The following VWF variants were observed in gnomAD, a reference collection of about 807,000 sequenced individuals.
VWF encodes the protein von Willebrand factor, also known as Factor VIII related antigen.
In VWF, 176 loss-of-function variants were observed where a neutral mutation model predicts 308.6. The ratio of observed to expected loss-of-function variants is 0.57; its 90% CI spans 0.50 to 0.65. VWF has a LOEUF of 0.65. VWF is among the 30% of genes least tolerant of loss of function. The probability of loss-of-function intolerance (pLI) is 0.00; values close to 1 mark genes in which losing one functional copy is unlikely to be tolerated. For synonymous variants in VWF, 1,385 were observed against 1,443.4 expected, an observed-to-expected ratio of 0.96 and a Z score of 0.92; for missense variants, 3,146 against 3,648.2, an observed-to-expected ratio of 0.86 and a Z score of 3.55.
At position 6,075,223 on chromosome 12, in the gene VWF, G is replaced by T; in HGVS notation, c.874+112C>A. 1.5e-6 allele frequency: 2 copies of T among 1,352,902 alleles called. No homozygotes were observed. The highest frequency in any genetic ancestry group is 2.3e-5 in the East Asian group (1 of 42,606). 83.8% of individuals were successfully genotyped at this position (1,352,902 alleles called of 1,614,324 possible). ...TGGCTTTGTAGTCACTGGCTGGCTG[G>T]GTGTGGTAAAGCCGCACATACGTGA... On this transcript the variant is annotated intron_variant, in intron 7 of 51. Transcript: ENST00000261405. The surrounding 1 kb of genome is among the most constrained non-coding windows in gnomAD (Gnocchi z 4.7).
chr12:5,961,408 A>G (rs1392897864), intron 47 of VWF, among the ~76,000 whole-genome samples: 1 of 152,146 alleles, frequency 6.6e-6, no homozygotes, highest in Non-Finnish European at 1.5e-5. Context: ...AATTCCCTCT[A>G]AGATCAGAAA....
intron 6 of VWF, chr12:6,095,243 T>A (rs1945093051): frequency 1.5e-6 from 1 of 652,758 alleles, no homozygotes; most frequent in Non-Finnish European, 2.7e-6. Context: ...ACAAATGGAC[T>A]GAGACACTAC....
At chr12:6,013,718 C>A in intron 31 of VWF, 73 bp from the exon 32 acceptor site, 1 of 1,555,496 alleles carries the variant, frequency 6.4e-7, no homozygotes, top group Non-Finnish European at 8.8e-7. Context: ...GACGTTATAT[C>A]CAGCATCTGA....
At chr12:5,974,648 T>C (rs890645785) in intron 43 of VWF, among the ~76,000 whole-genome samples, 1 of 152,212 alleles carries the variant, frequency 6.6e-6, no homozygotes, top group African/African-American at 2.4e-5. Context: ...TCTGAAAAGC[T>C]GTGTGGAGTT....
At chr12:6,040,710 G>A (rs575668218) in intron 18 of VWF, among the ~76,000 whole-genome samples, 1 of 152,282 alleles carries the variant, frequency 6.6e-6, no homozygotes, top group South Asian at 2.1e-4. Context: ...CTTAGCAAAG[G>A]GACCCCCATC....
chr12:6,081,620 G>A (rs1218609265), intron 6 of VWF, among the ~76,000 whole-genome samples: 1 of 152,220 alleles, frequency 6.6e-6, no homozygotes, highest in Non-Finnish European at 1.5e-5. Context: ...TTACAGGAGT[G>A]AGCCACGGCA....
Position 6,013,563 on chromosome 12 carries a change from G to T in VWF, c.5538C>A (p.Ser1846=), listed in dbSNP as rs1297977329. 9 of 1,614,058 alleles carry T rather than the reference G, an allele frequency of 5.6e-6. No homozygotes were observed. The highest frequency in any genetic ancestry group is 7.6e-6 in the Non-Finnish European group (9 of 1,179,968). ...CGATTCGCTGGAGCTTCACCACGTT[G>T]GAGTCGCCTGCTGGGCCTGCCAAGA... is the stretch of plus-strand genomic sequence containing the variant. ...LRILAGPAGD[S]NVVKLQRIED... is the part of the protein sequence containing the mutation. The change falls in exon 32 of 52, where the codon TCC becomes TCA. Residue 1846 remains serine, a synonymous_variant. Coordinates refer to ENST00000261405, the MANE Select transcript of VWF (RefSeq NM_000552.5).
intron 1 of VWF, 76 bp from the exon 2 acceptor site, chr12:6,123,272 A>G (rs1020029200): frequency 1.3e-6 from 2 of 1,506,910 alleles, no homozygotes; most frequent in African/African-American, 2.7e-5. Flanking sequence ...CTATCAGGGC[A>G]TGCAGTAGCA....
rs1201333431 is a variant in VWF, at chr12:5,948,915, G to C, written c.*100C>G. 6.5e-6 allele frequency: 9 copies of C among 1,375,792 alleles called. No individual in the cohort carries two copies. The highest frequency in any genetic ancestry group is 4.9e-4 in the Middle Eastern group (2 of 4,074). 85.2% of individuals were successfully genotyped at this position (1,375,792 alleles called of 1,614,324 possible). On this transcript the variant is annotated 3_prime_UTR_variant, in exon 52 of 52. Transcript: ENST00000261405. The surrounding 1 kb of genome is among the most constrained non-coding windows in gnomAD (Gnocchi z 4.4). ...GAGCTCAGCCTTTATTGTGGGCTCAGAAGGGCACAAGAGCAGAACATGCAG... is the reference window on the plus strand; with the variant it reads ...GAGCTCAGCCTTTATTGTGGGCTCACAAGGGCACAAGAGCAGAACATGCAG...
At chr12:6,053,405 G>T (rs1244269670) in intron 15 of VWF, among the ~76,000 whole-genome samples, 2 of 152,162 alleles carry the variant, frequency 1.3e-5, no homozygotes, top group African/African-American at 4.8e-5. Context: ...GCTCTCTGCA[G>T]CCCTAAAGCT....
At chr12:6,086,112 T>G (rs2136486830) in intron 6 of VWF, among the ~76,000 whole-genome samples, 1 of 152,130 alleles carries the variant, frequency 6.6e-6, no homozygotes, top group East Asian at 1.9e-4. Flanking sequence ...GGGGGTTCCG[T>G]GGAGCTCTGT....
chr12:6,086,610 G>A (rs942587899), intron 6 of VWF, among the ~76,000 whole-genome samples: 3 of 152,144 alleles, frequency 2.0e-5, no homozygotes, highest in East Asian at 1.9e-4. Flanking sequence ...CCAATTAAGT[G>A]AATGGAAGAG....
chr12:5,972,232 A>G (rs1943485137), intron 43 of VWF, among the ~76,000 whole-genome samples: 1 of 152,180 alleles, frequency 6.6e-6, no homozygotes, highest in Non-Finnish European at 1.5e-5. Context: ...TGTTCTTTAC[A>G]AAAGAAAAGT....
intron 41 of VWF, among the ~76,000 whole-genome samples, chr12:5,982,595 T>A (rs1943619106): frequency 6.6e-6 from 1 of 152,116 alleles, no homozygotes; most frequent in South Asian, 2.1e-4. Flanking sequence ...ATCTAGGAAG[T>A]CGGGTGAGTG....
At chr12:5,964,169 ATC>A (rs1247901909) in intron 47 of VWF, among the ~76,000 whole-genome samples, 1 of 145,850 alleles carries the variant, frequency 6.9e-6, no homozygotes, top group Non-Finnish European at 1.5e-5. Flanking sequence ...GTGAGCCGAG[ATC>A]TCACCACTGC....
intron 10 of VWF, among the ~76,000 whole-genome samples, chr12:6,068,829 T>TGC (rs1306976181): frequency 7.4e-6 from 1 of 134,994 alleles, no homozygotes; most frequent in African/African-American, 2.8e-5. Flanking sequence ...TTTTTTTTTT[T>TGC]TTTTGCGTGT....
chr12:5,989,663 G>T (rs989329839), intron 38 of VWF, among the ~76,000 whole-genome samples: 1 of 152,166 alleles, frequency 6.6e-6, no homozygotes, highest in African/African-American at 2.4e-5. Flanking sequence ...AGATGAGGCG[G>T]GCAGTGAAAG....
At position 5,998,633 on chromosome 12, in the gene VWF, G is replaced by A. The variant is rs1460163535; in HGVS notation, c.5843-2411C>T. Among the ~76,000 whole-genome samples, 3 of 149,476 alleles carry A rather than the reference G, an allele frequency of 2.0e-5. No individual in the cohort carries two copies. In the East Asian group the frequency reaches 5.9e-4, roughly 29 times the overall value. ...ATATATATCCTCTGAACACAGTGAA[G>A]AACAATAAGAACAAATTAAATTACT... On this transcript the variant is annotated intron_variant, in intron 34 of 51. Coordinates refer to ENST00000261405, the MANE Select transcript of VWF (RefSeq NM_000552.5).
rs574482722 is a variant in VWF, at chr12:5,973,598, G to A, written c.7438-1889C>T. ...GCCTAACAGGACGAGCTCTGGGCTC[G>A]GGTCAGGACCCTCCAGTGTCCACAG... On this transcript the variant is annotated intron_variant, in intron 43 of 51. Coordinates refer to ENST00000261405, the MANE Select transcript of VWF (RefSeq NM_000552.5). 5.4e-4 allele frequency among the ~76,000 whole-genome samples: 82 copies of A among 152,264 alleles called. 2 individuals are homozygous for A. The highest frequency in any genetic ancestry group is 1.9e-3 in the African/African-American group (81 of 41,544).
Sources: allele counts gnomAD v4.1 joint callset (sites outside exome capture counted in the v4.1 genomes callset), GRCh38; gene constraint gnomAD v4.1.1; non-coding constraint Gnocchi (gnomAD v3.1); transcripts MANE v1.5; gene names NCBI Gene and HGNC (gene_info 2026-07-23, HGNC 2026-07-21).